NEK6: variants seen among roughly 807,000 people sequenced by gnomAD.
NEK6 encodes the protein serine/threonine-protein kinase Nek6.
In NEK6, 27 loss-of-function variants were observed where a neutral mutation model predicts 43.5. The ratio of observed to expected loss-of-function variants is 0.62; its 90% CI spans 0.46 to 0.86. The LOEUF is 0.86. Among genes scored for constraint, NEK6 ranks in the 40% least tolerant of loss-of-function variants. The probability of loss-of-function intolerance (pLI) is 0.00; values close to 1 mark genes in which losing one functional copy is unlikely to be tolerated. For synonymous variants in NEK6, 167 were observed against 164.1 expected (o/e 1.02, Z -0.14); for missense variants, 318 against 414.4 (o/e 0.77, Z 2.02).
At chr9:124,307,500 G>T (rs1345640627) in intron 2 of NEK6, among the ~76,000 whole-genome samples, 1 of 152,200 alleles carries the variant, frequency 6.6e-6, no homozygotes, top group African/African-American at 2.4e-5. Context: ...AATCCCATGT[G>T]CCTGCCCCAG....
At chr9:124,306,608 G>A (rs1216879240) in intron 2 of NEK6, among the ~76,000 whole-genome samples, 1 of 152,142 alleles carries the variant, frequency 6.6e-6, no homozygotes, top group South Asian at 2.1e-4. Context: ...ATCTGCCATC[G>A]CACCGTCAAG....
intron 5 of NEK6, among the ~76,000 whole-genome samples, chr9:124,323,661 G>A (rs1298133467): frequency 6.6e-6 from 1 of 152,120 alleles, no homozygotes; most frequent in Admixed American, 6.5e-5. Context: ...ATGGGGGGCT[G>A]GGGCTGGGCA....
intron 1 of NEK6, among the ~76,000 whole-genome samples, chr9:124,271,997 A>T (rs1175561587): frequency 6.6e-6 from 1 of 152,156 alleles, no homozygotes; most frequent in Non-Finnish European, 1.5e-5. Flanking sequence ...GTTACCGCCC[A>T]CTCAGGCCTC....
In NEK6 at chr9:124,326,076, G is replaced by A. The variant is rs1289871500; in HGVS notation, c.406-254G>A. Among the ~76,000 whole-genome samples, 1 of 152,228 alleles carries A rather than the reference G, an allele frequency of 6.6e-6. No homozygotes were observed. On this transcript the variant is annotated intron_variant, in intron 5 of 9. Coordinates refer to ENST00000320246, the MANE Select transcript of NEK6 (RefSeq NM_014397.6). The surrounding 1 kb of genome is among the most constrained non-coding windows in gnomAD (Gnocchi z 4.5). ...CAGCAAAGCCATCCGGACATGCCAG[G>A]CCTGCCTGGCCCTCACGGAGCTTGC...
In NEK6 at chr9:124,343,805, G is replaced by A. The variant is rs561357348; in HGVS notation, c.718-3904G>A. Among the ~76,000 whole-genome samples, 36 of 152,262 alleles carry A rather than the reference G, an allele frequency of 2.4e-4. 3 individuals carry two copies. Among genetic ancestry groups the A allele is most frequent in the Admixed American group, 1.1e-3 (17 of 15,300 alleles). On this transcript the variant is annotated intron_variant, in intron 8 of 9. Coordinates refer to ENST00000320246, the MANE Select transcript of NEK6 (RefSeq NM_014397.6). The surrounding 1 kb of genome is among the most constrained non-coding windows in gnomAD (Gnocchi z 5.1). ...CTGGGCCCTGGTGACAGACACAGCC[G>A]GAGAAAACCTGCCCTTCCCCAAGCC...
intron 5 of NEK6, among the ~76,000 whole-genome samples, chr9:124,323,876 G>A (rs1834195535): frequency 6.6e-6 from 1 of 152,170 alleles, no homozygotes; most frequent in Admixed American, 6.5e-5. Flanking sequence ...GGCTTCACCA[G>A]AGCCAACACT....
At chr9:124,306,929 TTTTA>T (rs1357020803) in intron 2 of NEK6, among the ~76,000 whole-genome samples, 1 of 152,228 alleles carries the variant, frequency 6.6e-6, no homozygotes, top group Non-Finnish European at 1.5e-5. Context: ...GAAGTGTGCT[TTTTA>T]AAATCATAGA....
chr9:124,316,669 C>T (rs1170341780), intron 4 of NEK6, among the ~76,000 whole-genome samples: 1 of 152,214 alleles, frequency 6.6e-6, no homozygotes. Flanking sequence ...GCTGTGGACC[C>T]GTGGCTGATC....
At chr9:124,277,754 G>A (rs572094881) in intron 1 of NEK6, among the ~76,000 whole-genome samples, 28 of 152,338 alleles carry the variant, frequency 1.8e-4, no homozygotes, top group Admixed American at 1.3e-3. Flanking sequence ...AGAGGCCCGC[G>A]TTCACGGGAG....
At chr9:124,293,024 G>C (rs777951760) in intron 1 of NEK6, 2 of 1,521,614 alleles carry the variant, frequency 1.3e-6, no homozygotes, top group South Asian at 1.3e-5. Flanking sequence ...GTGAGAGCAA[G>C]ATCATTTCCC....
chr9:124,299,349 A>G (rs1261483904), intron 1 of NEK6, among the ~76,000 whole-genome samples: 1 of 152,202 alleles, frequency 6.6e-6, no homozygotes. Flanking sequence ...GTGCAGCTGG[A>G]AGCAGCTGCA....
At chr9:124,335,392 C>T (rs1182309446) in intron 7 of NEK6, among the ~76,000 whole-genome samples, 3 of 152,332 alleles carry the variant, frequency 2.0e-5, no homozygotes, top group South Asian at 2.1e-4. Flanking sequence ...CCCCTGGCTT[C>T]GCTCATCAAG....
chr9:124,284,672 G>A (rs1832073095), intron 1 of NEK6, among the ~76,000 whole-genome samples: 1 of 152,230 alleles, frequency 6.6e-6, no homozygotes, highest in South Asian at 2.1e-4. Flanking sequence ...ACCTGCCCCT[G>A]CAGGAATTCT....
At chr9:124,278,009 A>G (rs1250839560) in intron 1 of NEK6, among the ~76,000 whole-genome samples, 1 of 152,246 alleles carries the variant, frequency 6.6e-6, no homozygotes, top group Non-Finnish European at 1.5e-5. Flanking sequence ...GCACCATCAT[A>G]TAAGGACACT....
chr9:124,279,592 G>A (rs1453299656), intron 1 of NEK6, among the ~76,000 whole-genome samples: 3 of 152,060 alleles, frequency 2.0e-5, no homozygotes, highest in Admixed American at 6.5e-5. Context: ...CGTGAGCCAC[G>A]CGCCTGGCCC....
chr9:124,312,412 T>TTAG, intron 2 of NEK6, 97 bp from the exon 3 acceptor site: 1 of 1,372,850 alleles, frequency 7.3e-7, no homozygotes, highest in Non-Finnish European at 9.8e-7. Context: ...CTCCTTCACC[T>TTAG]TAGAGGGTGC....
intron 1 of NEK6, among the ~76,000 whole-genome samples, chr9:124,298,528 C>T (rs1832809327): frequency 6.6e-6 from 1 of 151,980 alleles, no homozygotes; most frequent in African/African-American, 2.4e-5. Flanking sequence ...GGAAATGGGC[C>T]CTTGTGGTCC....
At chr9:124,341,273 TA>T (rs1208152742) in intron 8 of NEK6, among the ~76,000 whole-genome samples, 1 of 152,210 alleles carries the variant, frequency 6.6e-6, no homozygotes. Flanking sequence ...CATCTTTCTT[TA>T]TAAGCCAGTG....
rs994966065 is a variant in NEK6 at position 124,292,758 on chromosome 9, C to T, written c.-29-9178C>T. On this transcript the variant is annotated intron_variant, in intron 1 of 9. Coordinates refer to ENST00000320246, the MANE Select transcript of NEK6 (RefSeq NM_014397.6). The stretch of plus-strand genomic sequence containing the variant: ...CTCAGGTGTTTCTGTACTGAGTCAG[C>T]AACCAGTTACCCAGCCTCTCCTCTG... 132 of 1,243,808 alleles carry T rather than the reference C, an allele frequency of 1.1e-4. No homozygotes were observed. In the Middle Eastern group the frequency reaches 1.3e-3, roughly 12 times the overall value. 77.0% of individuals were successfully genotyped at this position (1,243,808 alleles called of 1,614,324 possible).
Sources: allele counts gnomAD v4.1 joint callset (sites outside exome capture counted in the v4.1 genomes callset), GRCh38; gene constraint gnomAD v4.1.1; non-coding constraint Gnocchi (gnomAD v3.1); transcripts MANE v1.5; gene names NCBI Gene and HGNC (gene_info 2026-07-23, HGNC 2026-07-21).